The following FAM135B variants were observed in gnomAD, a reference collection of about 807,000 sequenced individuals.
FAM135B encodes the protein family with sequence similarity 135 member B, also known as protein FAM135B.
FAM135B carries 43 observed loss-of-function variants against 127.7 expected under a neutral mutation model. The observed-to-expected ratio is 0.34, with a 90% CI of 0.26 to 0.43. The LOEUF (loss-of-function observed/expected upper bound fraction) is 0.43. FAM135B is among the 20% of genes least tolerant of loss of function. The pLI is 1.00. For synonymous variants in FAM135B, 670 were observed against 665.1 expected (o/e 1.01, Z -0.11); for missense variants, 1,558 against 1,725.6 (o/e 0.90, Z 1.72).
chr8:138,196,810 G>C (rs946136211), intron 8 of FAM135B, among the ~76,000 whole-genome samples: 3 of 152,174 alleles, frequency 2.0e-5, no homozygotes, highest in African/African-American at 7.2e-5. Context: ...ATGACACAAA[G>C]GACCCTGCCC....
chr8:138,445,413 T>C (rs899446316), intron 1 of FAM135B, among the ~76,000 whole-genome samples: 1 of 152,202 alleles, frequency 6.6e-6, no homozygotes, highest in African/African-American at 2.4e-5. Flanking sequence ...AATAAAATAC[T>C]GGCAAACCAA....
intron 7 of FAM135B, among the ~76,000 whole-genome samples, chr8:138,200,133 A>G (rs1036050158): frequency 1.3e-5 from 2 of 152,074 alleles, no homozygotes; most frequent in African/African-American, 4.8e-5. Context: ...GTAGAACTTT[A>G]CCCTCCATGG....
intron 2 of FAM135B, among the ~76,000 whole-genome samples, chr8:138,324,539 C>T (rs1827669232): frequency 6.6e-6 from 1 of 152,164 alleles, no homozygotes; most frequent in Non-Finnish European, 1.5e-5. Flanking sequence ...ATTACCAAAA[C>T]CACAGAAACT....
chr8:138,195,198 G>T (rs953992259), intron 9 of FAM135B, 60 bp downstream of exon 9: 10 of 1,530,372 alleles, frequency 6.5e-6, no homozygotes, highest in Non-Finnish European at 9.0e-6. Flanking sequence ...GCAAGCAACT[G>T]CATTTGCCTT....
intron 1 of FAM135B, among the ~76,000 whole-genome samples, chr8:138,375,464 A>G (rs1831411171): frequency 6.6e-6 from 1 of 152,056 alleles, no homozygotes; most frequent in Non-Finnish European, 1.5e-5. Flanking sequence ...CAATGTTACA[A>G]TCTACCTAAA....
At chr8:138,346,152 C>T (rs1829396198) in intron 2 of FAM135B, among the ~76,000 whole-genome samples, 1 of 152,140 alleles carries the variant, frequency 6.6e-6, no homozygotes, top group Non-Finnish European at 1.5e-5. Flanking sequence ...TCAAAAACAA[C>T]AGGTGCTGGC....
intron 1 of FAM135B, among the ~76,000 whole-genome samples, chr8:138,420,233 C>T (rs1274924101): frequency 4.6e-5 from 7 of 151,876 alleles, no homozygotes; most frequent in Non-Finnish European, 8.8e-5. Flanking sequence ...TCTATGCATG[C>T]AAACTAGAAA....
At chr8:138,197,017 A>T (rs1454996168) in intron 8 of FAM135B, among the ~76,000 whole-genome samples, 1 of 152,090 alleles carries the variant, frequency 6.6e-6, no homozygotes, top group African/African-American at 2.4e-5. Context: ...AGATAACCAA[A>T]TGTAATGGAT....
At chr8:138,174,991 C>A in intron 11 of FAM135B, among the ~76,000 whole-genome samples, 1 of 152,118 alleles carries the variant, frequency 6.6e-6, no homozygotes, top group Non-Finnish European at 1.5e-5. Flanking sequence ...ACAGTCAACA[C>A]TAAATACATT....
intron 2 of FAM135B, among the ~76,000 whole-genome samples, chr8:138,325,937 G>A (rs1457464882): frequency 1.3e-5 from 2 of 152,120 alleles, no homozygotes; most frequent in Non-Finnish European, 2.9e-5. Flanking sequence ...TATTATTACT[G>A]CTATGGTTAT....
At chr8:138,434,149 T>C (rs1456950229) in intron 1 of FAM135B, among the ~76,000 whole-genome samples, 1 of 152,208 alleles carries the variant, frequency 6.6e-6, no homozygotes, top group Non-Finnish European at 1.5e-5. Context: ...GCTCCAGCTT[T>C]CTCTATGAAT....
chr8:138,324,341 C>A (rs939740845), intron 2 of FAM135B, among the ~76,000 whole-genome samples: 1 of 152,216 alleles, frequency 6.6e-6, no homozygotes, highest in Non-Finnish European at 1.5e-5. Context: ...TCTTCAATTT[C>A]TTTTAAATAA....
rs1370143489 is a variant in FAM135B, at chr8:138,241,388, TG to T, written c.669+1553del. Among the ~76,000 whole-genome samples the T allele has an allele frequency of 1.3e-5, 2 of 152,212 alleles. No individual in the cohort carries two copies. The highest frequency in any genetic ancestry group is 2.9e-5 in the Non-Finnish European group (2 of 68,032). On this transcript the variant is annotated intron_variant, in intron 7 of 19. Transcript: ENST00000395297. This position sits in a 1 kb window ranked among gnomAD's most constrained non-coding sequence, Gnocchi z 4.8. The stretch of plus-strand genomic sequence containing the variant: ...TTGGCTCTAAAATCTGCTCCTTCCA[TG>T]GCACAGAACCCCATTCTGGCTTCAG...
intron 3 of FAM135B, among the ~76,000 whole-genome samples, chr8:138,308,385 A>C (rs1826422281): frequency 6.6e-6 from 1 of 152,244 alleles, no homozygotes; most frequent in African/African-American, 2.4e-5. Context: ...CATTGTTAAA[A>C]GTCACAAGTT....
intron 3 of FAM135B, among the ~76,000 whole-genome samples, chr8:138,303,862 T>C (rs762616471): frequency 1.9e-4 from 29 of 152,182 alleles, no homozygotes; most frequent in Non-Finnish European, 2.6e-4. Flanking sequence ...ATCATTGCTA[T>C]TCCCATTTAT....
intron 1 of FAM135B, among the ~76,000 whole-genome samples, chr8:138,461,939 C>T (rs922713953): frequency 2.0e-5 from 3 of 151,934 alleles, no homozygotes; most frequent in Non-Finnish European, 4.4e-5. Flanking sequence ...TGGCTGTCAT[C>T]CTGCCCGAAT....
At chr8:138,308,968 G>A (rs1213550535) in intron 3 of FAM135B, 1 of 454,016 alleles carries the variant, frequency 2.2e-6, no homozygotes, top group Admixed American at 2.4e-5. Flanking sequence ...CATGACCACA[G>A]GTAGGACTAA....
chr8:138,267,595 C>A (rs34661556), intron 3 of FAM135B, among the ~76,000 whole-genome samples: 40,186 of 148,558 alleles, frequency 0.27, 5,944 homozygotes, highest in African/African-American at 0.4. Flanking sequence ...AACAGCCCAA[C>A]TAGCAAAGAA....
At chr8:138,383,316 G>A (rs1049765407) in intron 1 of FAM135B, among the ~76,000 whole-genome samples, 8 of 152,166 alleles carry the variant, frequency 5.3e-5, no homozygotes, top group Admixed American at 2.0e-4. Context: ...GCAAACTGGA[G>A]GTCAGTAGCT....
Sources: gnomAD v4.1 joint callset for allele counts (sites outside exome capture counted in the v4.1 genomes callset) on GRCh38, gnomAD v4.1.1 for gene constraint, Gnocchi (gnomAD v3.1) non-coding constraint, MANE v1.5 for transcripts, NCBI Gene and HGNC (gene_info 2026-07-23, HGNC 2026-07-21) for gene names.